DGCR2: variants seen among roughly 807,000 people sequenced by gnomAD.
DGCR2 encodes integral membrane protein DGCR2/IDD.
Under a neutral mutation model 51.6 loss-of-function variants are expected in DGCR2, and 24 were observed. That is an observed-to-expected ratio of 0.47 (90% confidence interval 0.34 to 0.65). The LOEUF is 0.65. DGCR2 is among the 30% of genes least tolerant of loss of function. The probability of loss-of-function intolerance (pLI) is 0.01; values close to 1 mark genes in which losing one functional copy is unlikely to be tolerated. For missense variants in DGCR2, 765 were observed against 772.1 expected (o/e 0.99, Z 0.11); for synonymous variants, 340 against 315.4 (o/e 1.08, Z -0.82).
chr22:19,039,151 G>A, intron 9 of DGCR2, 30 bp from the exon 10 acceptor site: 2 of 1,610,790 alleles, frequency 1.2e-6, no homozygotes, highest in African/African-American at 2.7e-5. Flanking sequence ...GGTGTCAGAG[G>A]CAGGTACGGG....
intron 5 of DGCR2, among the ~76,000 whole-genome samples, chr22:19,062,779 A>ATTCATTCATTCT: frequency 1.1e-4 from 14 of 127,442 alleles, no homozygotes; most frequent in South Asian, 2.9e-4. Flanking sequence ...ATGCATGCTC[A>ATTCATTCATTCT]CTCTCTCTCT....
At chr22:19,067,080 T>C (rs578152280) in intron 3 of DGCR2, among the ~76,000 whole-genome samples, 1 of 152,206 alleles carries the variant, frequency 6.6e-6, no homozygotes, top group Non-Finnish European at 1.5e-5. Flanking sequence ...GGCCCCACTC[T>C]GGCCACCCAG....
chr22:19,117,324 C>T (rs2083384011), intron 1 of DGCR2, among the ~76,000 whole-genome samples: 1 of 152,240 alleles, frequency 6.6e-6, no homozygotes. Context: ...AGTCTTCATT[C>T]CTAAACCCAG....
chr22:19,114,295 T>C (rs1461396450), intron 1 of DGCR2, among the ~76,000 whole-genome samples: 2 of 152,162 alleles, frequency 1.3e-5, no homozygotes, highest in Non-Finnish European at 2.9e-5. Flanking sequence ...TGAAGAAATA[T>C]CAACTTTATT....
At position 19,045,550 on chromosome 22, in the gene DGCR2, A is replaced by C. The variant is rs750637896; in HGVS notation, c.1006+2890T>G. Among the ~76,000 whole-genome samples, 5 of 152,310 alleles carry C rather than the reference A, an allele frequency of 3.3e-5. 1 individual carries two copies. The East Asian group carries it at 5.8e-4, about 18-fold the overall frequency. ...TCCAACTTTGTTCTTTGTAAAAACT[A>C]CTTTGGCTATTTTAATTATTTTGCC... On this transcript the variant is annotated intron_variant, in intron 7 of 9. Transcript: ENST00000263196.
At chr22:19,044,466 G>A (rs143320040) in intron 7 of DGCR2, among the ~76,000 whole-genome samples, 1 of 152,234 alleles carries the variant, frequency 6.6e-6, no homozygotes, top group Non-Finnish European at 1.5e-5. Flanking sequence ...GGAGCAGAAG[G>A]TCAGCAGGGA....
intron 6 of DGCR2, chr22:19,056,511 G>T: frequency 2.1e-6 from 1 of 484,476 alleles, no homozygotes; most frequent in South Asian, 2.4e-5. Context: ...AAGAGCTCCT[G>T]AGACCCCTGT....
chr22:19,092,087 C>T (rs2083084858), intron 1 of DGCR2, among the ~76,000 whole-genome samples: 1 of 151,652 alleles, frequency 6.6e-6, no homozygotes, highest in South Asian at 2.1e-4. Flanking sequence ...GTGGCTCACA[C>T]CTGTAATCCC....
chr22:19,074,575 G>A (rs925230498), intron 2 of DGCR2, among the ~76,000 whole-genome samples: 1 of 152,030 alleles, frequency 6.6e-6, no homozygotes, highest in Non-Finnish European at 1.5e-5. Context: ...AGCAGAGAAT[G>A]CCTAAAACCA....
intron 6 of DGCR2, among the ~76,000 whole-genome samples, chr22:19,052,873 A>T (rs1270821895): frequency 6.6e-6 from 1 of 152,222 alleles, no homozygotes; most frequent in African/African-American, 2.4e-5. Context: ...AAAGGTTGCA[A>T]CTATATGATT....
At chr22:19,073,920 A>G (rs1458217325) in intron 2 of DGCR2, among the ~76,000 whole-genome samples, 2 of 152,150 alleles carry the variant, frequency 1.3e-5, no homozygotes, top group Non-Finnish European at 2.9e-5. Flanking sequence ...ATTCTCCCAC[A>G]CTGATGGTGA....
At chr22:19,083,893 A>T (rs1172727910) in intron 2 of DGCR2, among the ~76,000 whole-genome samples, 1 of 151,298 alleles carries the variant, frequency 6.6e-6, no homozygotes, top group Non-Finnish European at 1.5e-5. Context: ...TGGTTTTCAT[A>T]TTTTTTTTGG....
chr22:19,114,957 G>A (rs1374512224), intron 1 of DGCR2, among the ~76,000 whole-genome samples: 1 of 152,196 alleles, frequency 6.6e-6, no homozygotes, highest in Non-Finnish European at 1.5e-5. Context: ...ACTGATAGCT[G>A]TCTGCCATTT....
At chr22:19,045,400 C>A (rs913813630) in intron 7 of DGCR2, 1 of 152,220 alleles carries the variant, frequency 6.6e-6, no homozygotes, top group African/African-American at 2.4e-5. Context: ...CCTGATTATA[C>A]GTAGTGTGGG....
intron 1 of DGCR2, among the ~76,000 whole-genome samples, chr22:19,121,103 G>A (rs1044437775): frequency 6.6e-6 from 1 of 152,240 alleles, no homozygotes; most frequent in Admixed American, 6.5e-5. Context: ...GGGCACAGGA[G>A]AGGGCCACAC....
intron 1 of DGCR2, among the ~76,000 whole-genome samples, chr22:19,114,152 G>GTAA: frequency 2.6e-5 from 3 of 114,920 alleles, no homozygotes; most frequent in South Asian, 2.5e-4. Flanking sequence ...GTTACCAAAG[G>GTAA]AAAAAAAAAA....
intron 1 of DGCR2, among the ~76,000 whole-genome samples, chr22:19,109,697 T>G (rs1401763938): frequency 6.6e-6 from 1 of 152,180 alleles, no homozygotes; most frequent in Non-Finnish European, 1.5e-5. Flanking sequence ...AGAGATCTGT[T>G]GCATAACAAG....
chr22:19,086,254 G>T (rs1405925054), intron 2 of DGCR2, among the ~76,000 whole-genome samples: 2 of 151,956 alleles, frequency 1.3e-5, no homozygotes, highest in African/African-American at 4.8e-5. Context: ...GAGGAGAGCG[G>T]ATCACAAGGT....
At chr22:19,053,936 A>C (rs1280563990) in intron 6 of DGCR2, among the ~76,000 whole-genome samples, 1 of 152,248 alleles carries the variant, frequency 6.6e-6, no homozygotes, top group Non-Finnish European at 1.5e-5. Flanking sequence ...ATGGGCTCAT[A>C]AGCAGACTTG....
Sources: allele counts gnomAD v4.1 joint callset (sites outside exome capture counted in the v4.1 genomes callset), GRCh38; gene constraint gnomAD v4.1.1; transcripts MANE v1.5; gene names NCBI Gene and HGNC (gene_info 2026-07-23, HGNC 2026-07-21).